KATNIP: variants seen among roughly 807,000 people sequenced by gnomAD.
KATNIP encodes katanin interacting protein.
KATNIP carries 126 observed loss-of-function variants against 174.0 expected under a neutral mutation model. The observed-to-expected ratio is 0.72, with a 90% CI of 0.63 to 0.84. KATNIP has a LOEUF of 0.84. Among genes scored for constraint, KATNIP ranks in the 40% least tolerant of loss-of-function variants. The pLI, the probability that KATNIP is intolerant of heterozygous loss-of-function variation, is 0.00. For missense variants in KATNIP, 1,958 were observed against 2,109.7 expected (o/e 0.93, Z 1.41); for synonymous variants, 810 against 835.7 (o/e 0.97, Z 0.53).
At chr16:27,630,994 A>T in intron 4 of KATNIP, 71 bp from the exon 5 acceptor site, 1 of 1,273,342 alleles carries the variant, frequency 7.9e-7, no homozygotes, top group Non-Finnish European at 1.1e-6. Flanking sequence ...GACATGAGTT[A>T]CAAACCAACC....
chr16:27,724,486 G>A (rs574013570), intron 14 of KATNIP, among the ~76,000 whole-genome samples: 3 of 152,336 alleles, frequency 2.0e-5, no homozygotes, highest in East Asian at 1.9e-4. Flanking sequence ...TTATAGAATG[G>A]TTTAAAAAGG....
In KATNIP at chr16:27,690,359, T is replaced by C. The variant is rs905148906; in HGVS notation, c.941-7969T>C. ...ATAGATAGATAGATAGATAGATAGA[T>C]AGATGATAGATAGATAGATAGATAG... On this transcript the variant is annotated intron_variant, in intron 8 of 27. Coordinates refer to ENST00000261588, the MANE Select transcript of KATNIP (RefSeq NM_015202.5). 3.6e-4 allele frequency among the ~76,000 whole-genome samples: 39 copies of C among 106,942 alleles called. 1 individual carries two copies. Among genetic ancestry groups the C allele is most frequent in the Admixed American group, 2.8e-3 (28 of 9,992 alleles). The allele number at this position is 106,942 out of a possible 152,430, so 70.2% of individuals were successfully genotyped here.
chr16:27,778,556 T>G lies in KATNIP; in HGVS notation c.4802-18T>G. 6.2e-7 allele frequency: 1 copy of G among 1,613,166 alleles called. No homozygotes were observed. The highest frequency in any genetic ancestry group is 8.5e-7 in the Non-Finnish European group (1 of 1,179,382). On this transcript the variant is annotated intron_variant, in intron 27 of 27. Coordinates refer to ENST00000261588, the MANE Select transcript of KATNIP (RefSeq NM_015202.5). ...TGAGACTTAGTAACTCTGGTCCCTCTGTTCCCTGTCATGACAGCCTTACGT... is the reference window on the plus strand; with the variant it reads ...TGAGACTTAGTAACTCTGGTCCCTCGGTTCCCTGTCATGACAGCCTTACGT...
chr16:27,644,268 C>T (rs2076893614), intron 5 of KATNIP: 1 of 152,154 alleles, frequency 6.6e-6, no homozygotes, highest in African/African-American at 2.4e-5. Context: ...CTGATCCGCC[C>T]TCCTCAGCCT....
intron 2 of KATNIP, among the ~76,000 whole-genome samples, chr16:27,613,280 A>G (rs181706137): frequency 9.3e-4 from 141 of 152,242 alleles, no homozygotes; most frequent in Non-Finnish European, 1.6e-3. Flanking sequence ...TTTCAAAAAG[A>G]AAAAAAGAAT....
At chr16:27,575,623 T>C (rs537015550) in intron 2 of KATNIP, among the ~76,000 whole-genome samples, 17 of 152,312 alleles carry the variant, frequency 1.1e-4, no homozygotes, top group African/African-American at 4.1e-4. Flanking sequence ...GTCTTTCTCC[T>C]TCCATCTCTG....
In KATNIP at chr16:27,616,778, A is replaced by G. The variant is rs144089483; in HGVS notation, c.64-1647A>G. ...TAAAAGGGTATATGGGGCTGAGTGC[A>G]GTGGCTCATGCCTGTAATCCCAGCA... On this transcript the variant is annotated intron_variant, in intron 2 of 27. Transcript: ENST00000261588. 2.4e-3 allele frequency among the ~76,000 whole-genome samples: 366 copies of G among 150,860 alleles called. 5 individuals are homozygous for G. In the East Asian group the frequency reaches 0.03, roughly 12 times the overall value.
At chr16:27,591,216 C>T (rs1464157172) in intron 2 of KATNIP, among the ~76,000 whole-genome samples, 4 of 150,804 alleles carry the variant, frequency 2.7e-5, no homozygotes, top group African/African-American at 4.9e-5. Context: ...GACGGAGTCT[C>T]GCTCTGTCAC....
intron 2 of KATNIP, among the ~76,000 whole-genome samples, chr16:27,600,353 A>C (rs1055919276): frequency 3.9e-5 from 6 of 152,306 alleles, no homozygotes; most frequent in Non-Finnish European, 8.8e-5. Context: ...GAGTTAATCC[A>C]GTTTGAGGCC....
intron 8 of KATNIP, among the ~76,000 whole-genome samples, chr16:27,683,716 C>T (rs771237374): frequency 2.0e-5 from 3 of 151,984 alleles, no homozygotes; most frequent in Non-Finnish European, 4.4e-5. Flanking sequence ...AGGTATGGGG[C>T]GAGATAAAGG....
chr16:27,753,561 C>T (rs1268350869), intron 17 of KATNIP, among the ~76,000 whole-genome samples: 1 of 152,204 alleles, frequency 6.6e-6, no homozygotes. Flanking sequence ...CCACCGTTGA[C>T]TCTCTGAAGA....
In KATNIP at chr16:27,749,868, G is replaced by A. The variant is rs374130852; in HGVS notation, c.2908G>A (p.Val970Ile). 253 of 1,614,056 alleles carry A rather than the reference G, an allele frequency of 1.6e-4. No homozygotes were observed. The highest frequency in any genetic ancestry group is 1.8e-4 in the Non-Finnish European group (216 of 1,180,032). Residue 970 changes from valine to isoleucine, a missense_variant, in exon 16 of 28, where the codon GTC (valine) becomes ATC (isoleucine). Coordinates refer to ENST00000261588, the MANE Select transcript of KATNIP (RefSeq NM_015202.5). Reference protein sequence around the residue: ...TDAGGDFKIPVLPYGQRLVID... With the variant: ...TDAGGDFKIPILPYGQRLVID... Reference sequence around the variant, plus strand: ...CGCTGGGGGTGACTTTAAAATCCCCGTCTTGCCTTATGGACAGCGCTTGGT... The same window carrying A: ...CGCTGGGGGTGACTTTAAAATCCCCATCTTGCCTTATGGACAGCGCTTGGT...
chr16:27,658,012 C>T (rs2077354454), intron 6 of KATNIP, among the ~76,000 whole-genome samples: 1 of 152,150 alleles, frequency 6.6e-6, no homozygotes, highest in Admixed American at 6.5e-5. Flanking sequence ...TTGGGGGAAA[C>T]TGGGTGAAGG....
intron 1 of KATNIP, among the ~76,000 whole-genome samples, chr16:27,555,028 C>A (rs903993642): frequency 2.6e-5 from 4 of 151,992 alleles, no homozygotes; most frequent in Non-Finnish European, 5.9e-5. Flanking sequence ...GAACTCCTGA[C>A]CTCAGGTTAT....
intron 14 of KATNIP, among the ~76,000 whole-genome samples, chr16:27,732,921 A>T (rs2080750137): frequency 6.6e-6 from 1 of 152,186 alleles, no homozygotes; most frequent in Non-Finnish European, 1.5e-5. Flanking sequence ...CAACTCCCAG[A>T]GTGTGGGATG....
chr16:27,653,698 A>T (rs2077184203), intron 6 of KATNIP, among the ~76,000 whole-genome samples: 1 of 149,672 alleles, frequency 6.7e-6, no homozygotes. Flanking sequence ...TCGCTCTGCC[A>T]CCCAGGCTGG....
At chr16:27,567,753 C>G (rs1403505844) in intron 1 of KATNIP, among the ~76,000 whole-genome samples, 1 of 152,126 alleles carries the variant, frequency 6.6e-6, no homozygotes, top group Non-Finnish European at 1.5e-5. Context: ...GTCTCGAACT[C>G]TTGACCTCAG....
chr16:27,658,548 AC>A (rs2077369339), intron 6 of KATNIP, among the ~76,000 whole-genome samples: 1 of 152,200 alleles, frequency 6.6e-6, no homozygotes, highest in African/African-American at 2.4e-5. Context: ...AAGATGACCA[AC>A]CAGTTAAAAA....
chr16:27,596,337 A>G (rs966375661), intron 2 of KATNIP, among the ~76,000 whole-genome samples: 5 of 152,050 alleles, frequency 3.3e-5, no homozygotes, highest in Admixed American at 6.5e-5. Flanking sequence ...CAAGACCTCT[A>G]AGTCTTGGTC....
Sources: allele counts gnomAD v4.1 joint callset (sites outside exome capture counted in the v4.1 genomes callset), GRCh38; gene constraint gnomAD v4.1.1; transcripts MANE v1.5; gene names NCBI Gene and HGNC (gene_info 2026-07-23, HGNC 2026-07-21).